Variants in MCTP2 observed in about 807,000 individuals in gnomAD.
MCTP2 encodes multiple C2 and transmembrane domain-containing protein 2.
MCTP2 carries 132 observed loss-of-function variants against 111.6 expected under a neutral mutation model. That is an observed-to-expected ratio of 1.18 (90% CI 1.03 to 1.37). The LOEUF (loss-of-function observed/expected upper bound fraction) is 1.37. MCTP2 is among the 40% of genes most tolerant of loss of function. MCTP2 has a pLI of 0.00. For missense variants in MCTP2, 1,183 were observed against 1,067.9 expected (o/e 1.11, Z -1.50); for synonymous variants, 395 against 387.7 (o/e 1.02, Z -0.22).
At chr15:94,251,140 C>T (rs954140159) in intron 1 of MCTP2, among the ~76,000 whole-genome samples, 4 of 152,166 alleles carry the variant, frequency 2.6e-5, no homozygotes, top group African/African-American at 9.7e-5. Flanking sequence ...AGGCTGCATT[C>T]CTGCAGAGCT....
chr15:94,343,429 A>G (rs919949557), intron 7 of MCTP2: 2 of 152,064 alleles, frequency 1.3e-5, no homozygotes. Flanking sequence ...TCAGTTTTTT[A>G]CCCCTTTTTC....
At chr15:94,363,676 C>T (rs1334869109) in intron 10 of MCTP2, among the ~76,000 whole-genome samples, 2 of 152,106 alleles carry the variant, frequency 1.3e-5, no homozygotes, top group Non-Finnish European at 2.9e-5. Flanking sequence ...ACAGCAGTGA[C>T]TTGGCTATTT....
intron 21 of MCTP2, among the ~76,000 whole-genome samples, chr15:94,472,333 A>G (rs988037710): frequency 6.6e-6 from 1 of 152,122 alleles, no homozygotes; most frequent in Non-Finnish European, 1.5e-5. Context: ...GCTGAGATCA[A>G]GCCACTGCAC....
In MCTP2 at chr15:94,482,358, G is replaced by T. The variant is rs1388859670; in HGVS notation, c.*3324G>T. 1 of 152,196 alleles carries T rather than the reference G, an allele frequency of 6.6e-6. No individual in the cohort carries two copies. The highest frequency in any genetic ancestry group is 1.5e-5 in the Non-Finnish European group (1 of 68,044). 9.4% of individuals were successfully genotyped at this position (152,196 alleles called of 1,614,324 possible). A position where few individuals can be genotyped will look rare whatever the true frequency, so the allele number is the denominator to read the frequency against. ...TTCAAATAGTGGCACTGGGAAAAAA[G>T]TAAGTAGAATTGAGAGATGGTGAAG... On this transcript the variant is annotated 3_prime_UTR_variant, in exon 23 of 23. Coordinates refer to ENST00000357742, the MANE Select transcript of MCTP2 (RefSeq NM_001385001.1).
intron 1 of MCTP2, among the ~76,000 whole-genome samples, chr15:94,260,097 T>A (rs1160422738): frequency 6.6e-6 from 1 of 152,236 alleles, no homozygotes; most frequent in Non-Finnish European, 1.5e-5. Flanking sequence ...AGGCTCCACC[T>A]GTACCTCTCA....
chr15:94,256,484 C>G (rs140162548), intron 1 of MCTP2, among the ~76,000 whole-genome samples: 52 of 152,260 alleles, frequency 3.4e-4, no homozygotes, highest in African/African-American at 1.3e-3. Flanking sequence ...TGTCCTTAAG[C>G]TGTTCTCCTA....
At chr15:94,292,041 A>G (rs1226699845) in intron 1 of MCTP2, among the ~76,000 whole-genome samples, 9 of 152,260 alleles carry the variant, frequency 5.9e-5, no homozygotes, top group Admixed American at 6.5e-5. Flanking sequence ...AAGAAAATAA[A>G]AAAAGTAAGA....
At chr15:94,311,536 C>T (rs1486944363) in intron 2 of MCTP2, among the ~76,000 whole-genome samples, 1 of 152,112 alleles carries the variant, frequency 6.6e-6, no homozygotes, top group Non-Finnish European at 1.5e-5. Context: ...AGTTATGTGT[C>T]CCCCAGCGGC....
intron 1 of MCTP2, among the ~76,000 whole-genome samples, chr15:94,288,336 T>C (rs1419071768): frequency 6.6e-6 from 1 of 152,202 alleles, no homozygotes; most frequent in African/African-American, 2.4e-5. Flanking sequence ...GACTCATCCA[T>C]AGCCTGAACA....
intron 1 of MCTP2, among the ~76,000 whole-genome samples, chr15:94,294,444 C>A (rs975896445): frequency 6.6e-6 from 1 of 152,066 alleles, no homozygotes; most frequent in African/African-American, 2.4e-5. Flanking sequence ...TTAGGTATAT[C>A]CCTGCTTTCT....
intron 8 of MCTP2, among the ~76,000 whole-genome samples, chr15:94,352,201 T>C (rs12909406): frequency 0.33 from 50,444 of 152,140 alleles, 8,893 homozygotes; most frequent in Admixed American, 0.41. Context: ...TGTTTGAATC[T>C]GCTGGGTATA....
At chr15:94,405,625 A>G (rs1046365658) in intron 17 of MCTP2, among the ~76,000 whole-genome samples, 2 of 152,354 alleles carry the variant, frequency 1.3e-5, no homozygotes, top group Middle Eastern at 3.4e-3. Flanking sequence ...GAAAGTTATC[A>G]GTAATGCACC....
chr15:94,445,492 C>A (rs1486216675), intron 19 of MCTP2, among the ~76,000 whole-genome samples: 2 of 152,014 alleles, frequency 1.3e-5, no homozygotes, highest in Non-Finnish European at 2.9e-5. Flanking sequence ...CATCTCTTTT[C>A]ATTCTTCCTT....
chr15:94,435,629 CTTTTTTTTTTT>C (rs202170550), intron 17 of MCTP2, among the ~76,000 whole-genome samples: 1,716 of 117,932 alleles, frequency 0.015, 70 homozygotes, highest in African/African-American at 0.052. Context: ...TTTTTTTATT[CTTTTTTTTTTT>C]TTTTTTTTTG....
chr15:94,351,571 C>T (rs2078303820), intron 8 of MCTP2, among the ~76,000 whole-genome samples: 1 of 152,066 alleles, frequency 6.6e-6, no homozygotes, highest in Admixed American at 6.5e-5. Flanking sequence ...CAATTAATGA[C>T]AGTCAAAATG....
intron 1 of MCTP2, among the ~76,000 whole-genome samples, chr15:94,272,289 G>A (rs1248259048): frequency 1.3e-5 from 2 of 152,166 alleles, no homozygotes; most frequent in Non-Finnish European, 1.5e-5. Context: ...CTTCTAAGGT[G>A]ATCAAGGAAG....
At chr15:94,473,007 T>C (rs910763756) in intron 21 of MCTP2, among the ~76,000 whole-genome samples, 1 of 152,216 alleles carries the variant, frequency 6.6e-6, no homozygotes, top group Admixed American at 6.5e-5. Flanking sequence ...TACTTATTCA[T>C]TTTTTATTGA....
At position 94,356,311 on chromosome 15, in the gene MCTP2, A is replaced by G. The variant is rs1365953451; in HGVS notation, c.1170+10A>G. On this transcript the variant is annotated intron_variant, in intron 9 of 22. Transcript: ENST00000357742. ...GAGGTATAAAAGTAAGGTAAGTTCC[A>G]TCTTTTCCATAAGGAGAACAGTATC... The G allele has an allele frequency of 1.9e-6, 3 of 1,569,294 alleles. No homozygotes were observed. Among genetic ancestry groups the G allele is most frequent in the East Asian group, 2.3e-5 (1 of 43,238 alleles).
At chr15:94,319,302 T>G (rs1158020720) in intron 4 of MCTP2, among the ~76,000 whole-genome samples, 1 of 152,204 alleles carries the variant, frequency 6.6e-6, no homozygotes, top group African/African-American at 2.4e-5. Context: ...CACTCCTGCC[T>G]CCTTTGCCTA....
Sources: gnomAD v4.1 joint callset for allele counts (sites outside exome capture counted in the v4.1 genomes callset) on GRCh38, gnomAD v4.1.1 for gene constraint, MANE v1.5 for transcripts, NCBI Gene and HGNC (gene_info 2026-07-23, HGNC 2026-07-21) for gene names.